The following ZDHHC21 variants were observed in gnomAD, a reference collection of about 807,000 sequenced individuals.
The protein encoded by ZDHHC21 is zDHHC palmitoyltransferase 21.
Under a neutral mutation model 34.6 loss-of-function variants are expected in ZDHHC21, and 15 were observed. The observed-to-expected ratio is 0.43, with a 90% CI of 0.29 to 0.67. The LOEUF (loss-of-function observed/expected upper bound fraction) is 0.67. ZDHHC21 is among the 30% of genes least tolerant of loss of function. The pLI, the probability that ZDHHC21 is intolerant of heterozygous loss-of-function variation, is 0.14. For missense variants in ZDHHC21, 344 were observed against 327.7 expected, an observed-to-expected ratio of 1.05 and a Z score of -0.38; for synonymous variants, 142 against 101.8, an observed-to-expected ratio of 1.40 and a Z score of -2.38.
intron 6 of ZDHHC21, among the ~76,000 whole-genome samples, chr9:14,660,157 G>A (rs1256690481): frequency 1.3e-5 from 2 of 152,004 alleles, no homozygotes; most frequent in African/African-American, 4.8e-5. Context: ...CCTGAGGTTG[G>A]GAGTTTGAGA....
chr9:14,634,534 A>G (rs1032541212), intron 8 of ZDHHC21, among the ~76,000 whole-genome samples: 9 of 152,114 alleles, frequency 5.9e-5, no homozygotes, highest in African/African-American at 2.2e-4. Context: ...TTTCACCACA[A>G]CATCCACTAA....
At chr9:14,601,791 A>G in the ZDHHC21 span, among the ~76,000 whole-genome samples, 18 of 152,344 alleles carry the variant, frequency 1.2e-4, no homozygotes, top group African/African-American at 4.3e-4. Context: ...TGTGGCACAT[A>G]TATATCATGG....
chr9:14,633,392 C>A (rs1288824768), intron 8 of ZDHHC21, among the ~76,000 whole-genome samples: 2 of 152,130 alleles, frequency 1.3e-5, no homozygotes, highest in Admixed American at 1.3e-4. Context: ...CTCCTGCATC[C>A]TAGCTAGAGG....
At chr9:14,627,068 A>G (rs1033185672) in intron 8 of ZDHHC21, among the ~76,000 whole-genome samples, 4 of 152,154 alleles carry the variant, frequency 2.6e-5, no homozygotes, top group African/African-American at 7.2e-5. Flanking sequence ...CATAATTGTT[A>G]TAAAGAGTGT....
chr9:14,675,565 T>C (rs1836226063), intron 3 of ZDHHC21, among the ~76,000 whole-genome samples: 1 of 151,936 alleles, frequency 6.6e-6, no homozygotes, highest in Non-Finnish European at 1.5e-5. Context: ...ACTTCAATGT[T>C]ACCACAATGA....
intron 9 of ZDHHC21, 109 bp downstream of exon 9, chr9:14,619,530 A>G: frequency 2.1e-6 from 2 of 947,236 alleles, no homozygotes; most frequent in Non-Finnish European, 3.1e-6. Flanking sequence ...ACAATGCACC[A>G]AGAAAAAGCC....
At chr9:14,638,061 G>C (rs913260743) in intron 8 of ZDHHC21, among the ~76,000 whole-genome samples, 1 of 151,826 alleles carries the variant, frequency 6.6e-6, no homozygotes, top group Non-Finnish European at 1.5e-5. Context: ...GGCCCGAATA[G>C]TCAAAAAAAT....
intron 7 of ZDHHC21, among the ~76,000 whole-genome samples, chr9:14,643,361 T>A (rs1427377447): frequency 6.6e-6 from 1 of 152,168 alleles, no homozygotes; most frequent in Non-Finnish European, 1.5e-5. Context: ...TTGCTGGCTC[T>A]CCCTCACCCC....
At chr9:14,667,314 T>C (rs983101528) in intron 5 of ZDHHC21, among the ~76,000 whole-genome samples, 1 of 149,666 alleles carries the variant, frequency 6.7e-6, no homozygotes, top group South Asian at 2.1e-4. Flanking sequence ...AAGTTGAATC[T>C]CTGAATAGAC....
At chr9:14,607,399 G>A (rs368275686), downstream of ZDHHC21, among the ~76,000 whole-genome samples, 2 of 151,326 alleles carry the variant, frequency 1.3e-5, no homozygotes, top group East Asian at 1.9e-4. Context: ...GGCAGACCCT[G>A]TATCCAAAAA....
At position 14,664,093 on chromosome 9, in the gene ZDHHC21, G is replaced by C. The variant is rs9776618; in HGVS notation, c.254-1767C>G. On this transcript the variant is annotated intron_variant, in intron 5 of 9. Coordinates refer to ENST00000380916, the MANE Select transcript of ZDHHC21 (RefSeq NM_178566.6). ...GGGTGATTTCTGCATTTCCATCTGA[G>C]GTACCGGGTTCATCTCACTAGGGAG... Among the ~76,000 whole-genome samples the C allele has an allele frequency of 4.2e-3, 637 of 152,232 alleles. 6 individuals carry two copies. The highest frequency in any genetic ancestry group is 0.014 in the African/African-American group (602 of 41,550).
chr9:14,600,019 G>A, the ZDHHC21 span, among the ~76,000 whole-genome samples: 1 of 152,114 alleles, frequency 6.6e-6, no homozygotes, highest in Non-Finnish European at 1.5e-5. Context: ...AATAGTAAGA[G>A]CTATTTATGA....
chr9:14,693,122 C>T (rs1443428504), intron 1 of ZDHHC21, 107 bp downstream of exon 1: 1 of 188,534 alleles, frequency 5.3e-6, no homozygotes, highest in Non-Finnish European at 1.0e-5. Flanking sequence ...CGCGGAGGAG[C>T]GGCGGGCGGG....
At chr9:14,597,214 C>T in the ZDHHC21 span, among the ~76,000 whole-genome samples, 4 of 152,114 alleles carry the variant, frequency 2.6e-5, no homozygotes, top group African/African-American at 9.7e-5. Flanking sequence ...GCTCAGCTCC[C>T]ACCAGACTAC....
At position 14,639,864 on chromosome 9, in the gene ZDHHC21, T is replaced by C. The variant is rs77226481; in HGVS notation, c.621+32A>G. 4.6e-3 allele frequency: 5,890 copies of C among 1,292,722 alleles called. 187 individuals are homozygous for C. The Admixed American group carries it at 0.063, about 14-fold the overall frequency. 80.1% of individuals were successfully genotyped at this position (1,292,722 alleles called of 1,614,324 possible). On this transcript the variant is annotated intron_variant, in intron 8 of 9. Transcript: ENST00000380916. Reference sequence around the variant, plus strand: ...CATTCATAATTAGGTAATATATTCATAAATGTTACTTTACATTAAAAATAT... The same window carrying C: ...CATTCATAATTAGGTAATATATTCACAAATGTTACTTTACATTAAAAATAT...
intron 7 of ZDHHC21, among the ~76,000 whole-genome samples, chr9:14,652,111 T>C (rs1831335621): frequency 1.3e-5 from 2 of 151,978 alleles, no homozygotes. Context: ...CTTTATTGAT[T>C]TAGTGATTCT....
At chr9:14,654,195 T>C (rs1831768996) in intron 7 of ZDHHC21, among the ~76,000 whole-genome samples, 2 of 152,016 alleles carry the variant, frequency 1.3e-5, no homozygotes, top group Admixed American at 6.6e-5. Flanking sequence ...GACTAGACTA[T>C]TGGAATAAAG....
intron 6 of ZDHHC21, among the ~76,000 whole-genome samples, chr9:14,659,472 C>T (rs1336603985): frequency 6.6e-6 from 1 of 152,068 alleles, no homozygotes; most frequent in Non-Finnish European, 1.5e-5. Context: ...AACAGTGAAC[C>T]CTAACTAGGA....
intron 2 of ZDHHC21, among the ~76,000 whole-genome samples, chr9:14,686,384 T>C (rs1471101831): frequency 6.6e-6 from 1 of 152,128 alleles, no homozygotes; most frequent in Non-Finnish European, 1.5e-5. Flanking sequence ...GGAACCATTC[T>C]CCAAGACAGG....
Sources: gnomAD v4.1 joint callset for allele counts (sites outside exome capture counted in the v4.1 genomes callset) on GRCh38, gnomAD v4.1.1 for gene constraint, MANE v1.5 for transcripts, NCBI Gene and HGNC (gene_info 2026-07-23, HGNC 2026-07-21) for gene names.